The following LRRC4C variants were observed in gnomAD, a reference collection of about 807,000 sequenced individuals.
LRRC4C encodes the protein leucine-rich repeat-containing protein 4C.
Under a neutral mutation model 33.6 loss-of-function variants are expected in LRRC4C, and 5 were observed. The observed-to-expected ratio is 0.15, with a 90% CI of 0.08 to 0.31. The LOEUF (loss-of-function observed/expected upper bound fraction) is 0.31. Ranked by LOEUF, LRRC4C falls within the 10% of genes least tolerant of loss-of-function variation. The pLI is 1.00. For synonymous variants in LRRC4C, 329 were observed against 302.0 expected (o/e 1.09, Z -0.93); for missense variants, 560 against 796.7 (o/e 0.70, Z 3.58).
intron 1 of LRRC4C, among the ~76,000 whole-genome samples, chr11:41,066,815 AG>A (rs774274645): frequency 7.9e-5 from 12 of 152,202 alleles, no homozygotes; most frequent in Non-Finnish European, 2.9e-5. Context: ...AGCCAAACTA[AG>A]TTTCATAAGT....
chr11:40,865,858 GTTAAT>G (rs1478276573), intron 2 of LRRC4C, among the ~76,000 whole-genome samples: 2 of 151,572 alleles, frequency 1.3e-5, no homozygotes, highest in Non-Finnish European at 2.9e-5. Flanking sequence ...AATTTGTAGG[GTTAAT>G]TTAAAGTACA....
chr11:40,618,526 A>C (rs2135936902), intron 3 of LRRC4C, among the ~76,000 whole-genome samples: 1 of 151,840 alleles, frequency 6.6e-6, no homozygotes, highest in South Asian at 2.1e-4. Context: ...CAAAAAAACT[A>C]ATATACTATG....
At chr11:40,663,352 A>C (rs562608030) in intron 2 of LRRC4C, among the ~76,000 whole-genome samples, 2 of 152,296 alleles carry the variant, frequency 1.3e-5, no homozygotes, top group African/African-American at 4.8e-5. Flanking sequence ...AAGTGTTGGG[A>C]TTACAGGCGT....
chr11:41,361,535 T>C (rs1183117711), intron 1 of LRRC4C, among the ~76,000 whole-genome samples: 2 of 152,226 alleles, frequency 1.3e-5, no homozygotes, highest in East Asian at 3.9e-4. Flanking sequence ...TTCAGATAGT[T>C]CTAGTCACTA....
chr11:40,504,262 A>C (rs1954923374), intron 3 of LRRC4C, among the ~76,000 whole-genome samples: 1 of 152,190 alleles, frequency 6.6e-6, no homozygotes, highest in African/African-American at 2.4e-5. Context: ...GAATGAAAGA[A>C]TATAACTTTT....
At chr11:41,447,338 T>C (rs1442908533) in intron 1 of LRRC4C, among the ~76,000 whole-genome samples, 2 of 152,200 alleles carry the variant, frequency 1.3e-5, no homozygotes, top group Non-Finnish European at 2.9e-5. Context: ...ATACATGAAA[T>C]ATGTAACTAA....
chr11:41,340,962 G>A (rs533845857), intron 1 of LRRC4C, among the ~76,000 whole-genome samples: 6 of 152,288 alleles, frequency 3.9e-5, no homozygotes, highest in African/African-American at 1.2e-4. Flanking sequence ...CTGTGATTGC[G>A]TCTGCCTCTC....
intron 3 of LRRC4C, among the ~76,000 whole-genome samples, chr11:40,499,550 C>T (rs1167280565): frequency 6.6e-6 from 1 of 152,056 alleles, no homozygotes; most frequent in Non-Finnish European, 1.5e-5. Flanking sequence ...ACATAATTCC[C>T]ACATTGTTGA....
At chr11:40,957,371 A>G (rs773529952) in intron 1 of LRRC4C, among the ~76,000 whole-genome samples, 5 of 151,570 alleles carry the variant, frequency 3.3e-5, no homozygotes, top group Non-Finnish European at 7.4e-5. Context: ...ATGAGATCCA[A>G]CTCTTACTAA....
intron 5 of LRRC4C, among the ~76,000 whole-genome samples, chr11:40,165,996 G>A (rs1010669050): frequency 6.6e-6 from 1 of 152,126 alleles, no homozygotes; most frequent in Non-Finnish European, 1.5e-5. Flanking sequence ...ACTGCTAGTA[G>A]AAGTGTAAAC....
chr11:41,026,321 CAG>C (rs888112023), intron 1 of LRRC4C, among the ~76,000 whole-genome samples: 4 of 151,436 alleles, frequency 2.6e-5, no homozygotes, highest in African/African-American at 4.8e-5. Context: ...TTTAAGAGCT[CAG>C]TGAGGGAAGT....
At chr11:40,968,088 C>T (rs1424359374) in intron 1 of LRRC4C, among the ~76,000 whole-genome samples, 1 of 151,964 alleles carries the variant, frequency 6.6e-6, no homozygotes, top group East Asian at 1.9e-4. Context: ...ATTAAAAGTG[C>T]CACTTCAGTA....
chr11:40,453,989 A>G (rs1017987570), intron 3 of LRRC4C, among the ~76,000 whole-genome samples: 1 of 152,188 alleles, frequency 6.6e-6, no homozygotes, highest in Non-Finnish European at 1.5e-5. Flanking sequence ...GTATAGCTAC[A>G]AACAGCAAAG....
At chr11:41,355,295 A>T (rs1460838968) in intron 1 of LRRC4C, among the ~76,000 whole-genome samples, 1 of 152,136 alleles carries the variant, frequency 6.6e-6, no homozygotes, top group Non-Finnish European at 1.5e-5. Flanking sequence ...AAACAACTAC[A>T]TCTCATCTTT....
intron 2 of LRRC4C, among the ~76,000 whole-genome samples, chr11:40,768,630 A>G (rs1241984413): frequency 6.6e-6 from 1 of 152,166 alleles, no homozygotes; most frequent in African/African-American, 2.4e-5. Flanking sequence ...TATTGAAAGG[A>G]TCATTCACTA....
chr11:40,703,216 C>G (rs1352315060), intron 2 of LRRC4C, among the ~76,000 whole-genome samples: 1 of 151,952 alleles, frequency 6.6e-6, no homozygotes, highest in Non-Finnish European at 1.5e-5. Context: ...ATGCCCAAGA[C>G]AGGCCCTCAC....
At chr11:40,480,472 C>A (rs1397732769) in intron 3 of LRRC4C, among the ~76,000 whole-genome samples, 1 of 151,936 alleles carries the variant, frequency 6.6e-6, no homozygotes, top group Non-Finnish European at 1.5e-5. Flanking sequence ...AACACCAGGG[C>A]ATACTTGAAG....
intron 1 of LRRC4C, among the ~76,000 whole-genome samples, chr11:41,117,773 C>T (rs1402481286): frequency 6.6e-6 from 1 of 151,934 alleles, no homozygotes; most frequent in Non-Finnish European, 1.5e-5. Context: ...GCAATAGGAC[C>T]ATTTCAAAAA....
chr11:41,017,802 T>TAA (rs1855697467), intron 1 of LRRC4C, among the ~76,000 whole-genome samples: 1 of 150,214 alleles, frequency 6.7e-6, no homozygotes, highest in Non-Finnish European at 1.5e-5. Context: ...TGGGTATATA[T>TAA]AATATATAAA....
Sources: allele counts gnomAD v4.1 joint callset (sites outside exome capture counted in the v4.1 genomes callset), GRCh38; gene constraint gnomAD v4.1.1; transcripts MANE v1.5; gene names NCBI Gene and HGNC (gene_info 2026-07-23, HGNC 2026-07-21).